The following MACIR variants were observed in gnomAD, a reference collection of about 807,000 sequenced individuals.
MACIR encodes macrophage immunometabolism regulator.
MACIR carries 4 observed loss-of-function variants against 14.3 expected under a neutral mutation model. The ratio of observed to expected loss-of-function variants is 0.28; its 90% CI spans 0.14 to 0.64. The LOEUF (loss-of-function observed/expected upper bound fraction) is 0.64, where lower values mean the gene tolerates loss of function less well. Among genes scored for constraint, MACIR ranks in the 30% least tolerant of loss-of-function variants. The pLI, the probability that MACIR is intolerant of heterozygous loss-of-function variation, is 0.83. For synonymous variants in MACIR, 101 were observed against 102.4 expected (o/e 0.99, Z 0.08); for missense variants, 228 against 257.6 (o/e 0.89, Z 0.79).
At position 103,268,234 on chromosome 5, in the gene MACIR, T is replaced by C. The variant is rs1175749511; in HGVS notation, c.-24+2237T>C. On this transcript the variant is annotated intron_variant, in intron 2 of 2. Transcript: ENST00000319933. ...GGCTGTGTTGTTTAATGAACATTTATTCAATTTTATAAGTAAATGCCAAAC... is the reference window on the plus strand; with the variant it reads ...GGCTGTGTTGTTTAATGAACATTTACTCAATTTTATAAGTAAATGCCAAAC... 2.0e-5 allele frequency among the ~76,000 whole-genome samples: 3 copies of C among 152,226 alleles called. No homozygotes were observed. In the East Asian group the frequency reaches 5.8e-4, roughly 29 times the overall value.
chr5:103,259,084 G>A (rs139276366), intron 1 of MACIR, 188 bp downstream of exon 1: 1 of 152,430 alleles, frequency 6.6e-6, no homozygotes, highest in African/African-American at 2.4e-5. Context: ...CGGTGCTGGG[G>A]AAACCCGGCC....
chr5:103,273,041 G>T (rs567662896), intron 2 of MACIR, among the ~76,000 whole-genome samples: 1 of 152,250 alleles, frequency 6.6e-6, no homozygotes, highest in South Asian at 2.1e-4. Flanking sequence ...AGACTCTCCC[G>T]CAGGAATCTC....
At chr5:103,265,275 A>G (rs574189371) in intron 1 of MACIR, among the ~76,000 whole-genome samples, 1 of 152,286 alleles carries the variant, frequency 6.6e-6, no homozygotes, top group South Asian at 2.1e-4. Context: ...TGAAAGATTT[A>G]CATTGTTGCT....
At chr5:103,274,055 A>T (rs1249962966) in intron 2 of MACIR, among the ~76,000 whole-genome samples, 1 of 152,002 alleles carries the variant, frequency 6.6e-6, no homozygotes, top group East Asian at 1.9e-4. Flanking sequence ...CCTTCTCAGG[A>T]TGAAATATCA....
At chr5:103,274,374 T>G (rs1165047939) in intron 2 of MACIR, among the ~76,000 whole-genome samples, 1 of 150,190 alleles carries the variant, frequency 6.7e-6, no homozygotes. Flanking sequence ...ATAATATAAA[T>G]AAAAATATTT....
In MACIR at chr5:103,276,537, A is replaced by G. The variant is rs782548300; in HGVS notation, c.618A>G (p.Thr206=). ...RGDRVFARNN[T] The stretch of plus-strand genomic sequence containing the variant: ...ACCGTGTGTTTGCTAGGAATAATAC[A>G]TGAATGACTTGGAGAGAGCTTAAAC... Residue 206 remains threonine (T), a synonymous_variant, in exon 3 of 3, where the codon ACA becomes ACG. Transcript: ENST00000319933. 1.9e-6 allele frequency: 3 copies of G among 1,605,884 alleles called. No individual in the cohort carries two copies. Among genetic ancestry groups the G allele is most frequent in the African/African-American group, 1.3e-5 (1 of 74,590 alleles).
chr5:103,265,882 G>T (rs1804908407), intron 1 of MACIR, 26 bp from the exon 2 acceptor site: 1 of 151,986 alleles, frequency 6.6e-6, no homozygotes, highest in African/African-American at 2.4e-5. Context: ...TTAAATTAAA[G>T]GTTTATTTTT....
chr5:103,259,326 CT>C (rs1554235949), intron 1 of MACIR: 1 of 152,034 alleles, frequency 6.6e-6, no homozygotes, highest in African/African-American at 2.4e-5. Flanking sequence ...CGTGCGCTCG[CT>C]GGGGAGGTGC....
In MACIR at chr5:103,261,713, T is replaced by TCTTTCTTTCTTTCTTTCTTTCTTTCTTC. The variant is rs1562545943; in HGVS notation, c.-114+2833_-114+2834insCTTTCTTTCTTCCTTTCTTTCTTTCTTT. On this transcript the variant is annotated intron_variant, in intron 1 of 2. Transcript: ENST00000319933. ...TTCTTTCTTTCTTTCTTCCTTTCTT[T>TCTTTCTTTCTTTCTTTCTTTCTTTCTTC]CTTTCTTTCTTTCTTTTCTTTCTTG... Among the ~76,000 whole-genome samples, 12 of 145,846 alleles carry TCTTTCTTTCTTTCTTTCTTTCTTTCTTC rather than the reference T, an allele frequency of 8.2e-5. 1 individual carries two copies. Among genetic ancestry groups the TCTTTCTTTCTTTCTTTCTTTCTTTCTTC allele is most frequent in the Middle Eastern group, 3.4e-3 (1 of 294 alleles).
chr5:103,277,846 C>A lies in MACIR; in HGVS notation c.*1306C>A, dbSNP rs1484881391. On this transcript the variant is annotated 3_prime_UTR_variant, in exon 3 of 3. Coordinates refer to ENST00000319933, the MANE Select transcript of MACIR (RefSeq NM_033211.4). ...TACTGAATTGGGATTTCTGGCAGCA[C>A]AGAACTGCTTTTTATTTTGGGGTCT... 6.0e-6 allele frequency: 1 copy of A among 166,988 alleles called. No homozygotes were observed. Among genetic ancestry groups the A allele is most frequent in the Non-Finnish European group, 1.5e-5 (1 of 68,094 alleles). The allele number at this position is 166,988 out of a possible 1,614,324, so 10.3% of individuals were successfully genotyped here.
intron 1 of MACIR, among the ~76,000 whole-genome samples, chr5:103,260,221 C>CT (rs797038831): frequency 0.056 from 7,787 of 138,896 alleles, 591 homozygotes; most frequent in African/African-American, 0.18. Flanking sequence ...ACTCATTTTC[C>CT]TTTTTTTTTT....
At chr5:103,261,638 TTTTCTTTCTTTC>T (rs781826997) in intron 1 of MACIR, among the ~76,000 whole-genome samples, 6,145 of 96,770 alleles carry the variant, frequency 0.064, 211 homozygotes, top group Middle Eastern at 0.096. Flanking sequence ...CTGTTTTTCT[TTTTCTTTCTTTC>T]TTTCTTTCTT....
intron 2 of MACIR, among the ~76,000 whole-genome samples, chr5:103,270,239 T>A (rs1422945567): frequency 2.0e-5 from 3 of 152,206 alleles, no homozygotes; most frequent in Non-Finnish European, 4.4e-5. Context: ...TAATAAGGTT[T>A]TGTGGTGCTT....
At position 103,278,067 on chromosome 5, in the gene MACIR, C is replaced by A. The variant is rs578247772; in HGVS notation, c.*1527C>A. ...ATTACACTTTCATTAAGGCAAACTA[C>A]GTGAAAGAGCCTTGGGGAAGTTGGC... On this transcript the variant is annotated 3_prime_UTR_variant, in exon 3 of 3. Transcript: ENST00000319933. 1.8e-5 allele frequency: 3 copies of A among 166,930 alleles called. No individual in the cohort carries two copies. The allele number at this position is 166,930 out of a possible 1,614,324, so 10.3% of individuals were successfully genotyped here.
chr5:103,258,851 T>C lies in MACIR; in HGVS notation c.-159T>C, dbSNP rs1804554161. The C allele has an allele frequency of 6.6e-6, 1 of 152,168 alleles. No homozygotes were observed. Among genetic ancestry groups the C allele is most frequent in the Non-Finnish European group, 1.5e-5 (1 of 68,124 alleles). 9.4% of individuals were successfully genotyped at this position (152,168 alleles called of 1,614,324 possible). ...CGCCTCTCCCGCCCCTGTCTCCCGC[T>C]CCGCAGCCCCGGGCACGGCGGAGGC... is the stretch of plus-strand genomic sequence containing the variant. On this transcript the variant is annotated 5_prime_UTR_variant, in exon 1 of 3. Coordinates refer to ENST00000319933, the MANE Select transcript of MACIR (RefSeq NM_033211.4).
In MACIR at chr5:103,276,536, C is replaced by G. The variant is rs781808802; in HGVS notation, c.617C>G (p.Thr206Arg). The G allele has an allele frequency of 6.2e-7, 1 of 1,605,996 alleles. No homozygotes were observed. The highest frequency in any genetic ancestry group is 8.5e-7 in the Non-Finnish European group (1 of 1,176,716). Residue 206 changes from threonine (T) to arginine (R), a missense_variant, in exon 3 of 3, where the codon ACA becomes AGA. By Grantham distance (71) the Thr-to-Arg change is moderately conservative. Coordinates refer to ENST00000319933, the MANE Select transcript of MACIR (RefSeq NM_033211.4). ...GACCGTGTGTTTGCTAGGAATAATA[C>G]ATGAATGACTTGGAGAGAGCTTAAA... ...RGDRVFARNNT is the reference protein window; with the variant it reads ...RGDRVFARNNR
At chr5:103,264,705 G>C (rs1315480557) in intron 1 of MACIR, among the ~76,000 whole-genome samples, 1 of 152,084 alleles carries the variant, frequency 6.6e-6, no homozygotes, top group Non-Finnish European at 1.5e-5. Flanking sequence ...AAACATGCTA[G>C]TTTCTTGGAG....
chr5:103,265,908 T>C lies in MACIR; in HGVS notation c.-113T>C, dbSNP rs1006069251. 14 of 152,172 alleles carry C rather than the reference T, an allele frequency of 9.2e-5. No homozygotes were observed. The highest frequency in any genetic ancestry group is 6.5e-4 in the Admixed American group (10 of 15,278). 9.4% of individuals were successfully genotyped at this position (152,172 alleles called of 1,614,324 possible). A position where few individuals can be genotyped will look rare whatever the true frequency, so the allele number is the denominator to read the frequency against. On this transcript the variant is annotated splice_region_variant and 5_prime_UTR_variant, in exon 2 of 3. Coordinates refer to ENST00000319933, the MANE Select transcript of MACIR (RefSeq NM_033211.4). ...GTTTATTTTTGTATTTCATGTTTAG[T>C]ACCTGGAGTAGAACAGAAAAATTAT...
At chr5:103,272,645 C>A (rs1805176294) in intron 2 of MACIR, among the ~76,000 whole-genome samples, 1 of 152,086 alleles carries the variant, frequency 6.6e-6, no homozygotes, top group Non-Finnish European at 1.5e-5. Flanking sequence ...ACATTGAGGG[C>A]TGTCTTTTCT....
Sources: allele counts gnomAD v4.1 joint callset (sites outside exome capture counted in the v4.1 genomes callset), GRCh38; gene constraint gnomAD v4.1.1; transcripts MANE v1.5; gene names NCBI Gene and HGNC (gene_info 2026-07-23, HGNC 2026-07-21).